Variants in TMEM63C observed in about 807,000 individuals in gnomAD.
The protein encoded by TMEM63C is transmembrane protein 63C, also known as osmosensitive cation channel TMEM63C.
Under a neutral mutation model 99.2 loss-of-function variants are expected in TMEM63C, and 32 were observed. That is an observed-to-expected ratio of 0.32 (90% CI 0.24 to 0.43). The LOEUF (loss-of-function observed/expected upper bound fraction) is 0.43, where lower values mean the gene tolerates loss of function less well. TMEM63C is among the 20% of genes least tolerant of loss of function. The probability of loss-of-function intolerance (pLI) is 1.00; values close to 1 mark genes in which losing one functional copy is unlikely to be tolerated. For missense variants in TMEM63C, 826 were observed against 1,053.0 expected (o/e 0.78, Z 2.98); for synonymous variants, 376 against 397.9 (o/e 0.94, Z 0.66).
Position 77,219,245 on chromosome 14 carries a change from G to T in TMEM63C, c.151-253G>T, listed in dbSNP as rs531287606. On this transcript the variant is annotated intron_variant, in intron 3 of 23. Coordinates refer to ENST00000298351, the MANE Select transcript of TMEM63C (RefSeq NM_020431.4). ...GCTGAGGTCTTCAAGGCACATTCTG[G>T]TCCCATAGATCTGAACATGCCTCCA... 1.2e-4 allele frequency among the ~76,000 whole-genome samples: 18 copies of T among 152,274 alleles called. 1 individual carries two copies. The South Asian group carries it at 3.7e-3, about 32-fold the overall frequency.
At chr14:77,239,559 G>T (rs1594866265) in intron 11 of TMEM63C, 44 bp from the exon 12 acceptor site, 6 of 1,612,400 alleles carry the variant, frequency 3.7e-6, no homozygotes, top group Non-Finnish European at 5.1e-6. Flanking sequence ...GGCTCTGCTG[G>T]CCCCTGACCT....
chr14:77,238,871 C>A, intron 10 of TMEM63C, 104 bp downstream of exon 10: 2 of 912,802 alleles, frequency 2.2e-6, no homozygotes, highest in Non-Finnish European at 3.5e-6. Context: ...GGGACTGGGA[C>A]ACCCCGGGGT....
intron 1 of TMEM63C, among the ~76,000 whole-genome samples, chr14:77,187,179 G>A (rs1888017438): frequency 6.6e-6 from 1 of 151,914 alleles, no homozygotes. Context: ...CCCAAACTGG[G>A]GCCATGGCCA....
chr14:77,207,759 A>G (rs535606237), intron 1 of TMEM63C, among the ~76,000 whole-genome samples: 1 of 152,354 alleles, frequency 6.6e-6, no homozygotes, highest in East Asian at 1.9e-4. Context: ...CTGGCCCATC[A>G]CAAATGCCCA....
At position 77,246,815 on chromosome 14, in the gene TMEM63C, G is replaced by A. The variant is rs957073822; in HGVS notation, c.1601+141G>A. On this transcript the variant is annotated intron_variant, in intron 18 of 23. Transcript: ENST00000298351. ...GTGAACACCCTCACTGGGCAGACTT[G>A]TTACCTTTCCTGTGCTGGGATCCCT... The A allele has an allele frequency of 8.7e-5, 55 of 634,444 alleles. 1 individual carries two copies. The highest frequency in any genetic ancestry group is 9.9e-5 in the Non-Finnish European group (37 of 374,112). 39.3% of individuals were successfully genotyped at this position (634,444 alleles called of 1,614,324 possible).
At chr14:77,190,316 T>C (rs960839547) in intron 1 of TMEM63C, among the ~76,000 whole-genome samples, 2 of 152,142 alleles carry the variant, frequency 1.3e-5, no homozygotes, top group Non-Finnish European at 2.9e-5. Context: ...AAGGTTCAGA[T>C]CACTTCTAGT....
chr14:77,248,242 T>C (rs1051964722), intron 18 of TMEM63C, 105 bp from the exon 19 acceptor site: 8 of 993,938 alleles, frequency 8.0e-6, no homozygotes, highest in Non-Finnish European at 1.2e-5. Context: ...GTATCTCCAC[T>C]CCGATTCCCA....
intron 6 of TMEM63C, among the ~76,000 whole-genome samples, chr14:77,228,076 G>A (rs760661916): frequency 7.2e-5 from 11 of 152,112 alleles, no homozygotes; most frequent in Non-Finnish European, 1.6e-4. Context: ...GCAGAACAAT[G>A]GATCCAGCAC....
intron 5 of TMEM63C, among the ~76,000 whole-genome samples, chr14:77,222,570 TG>T (rs1437448042): frequency 3.9e-5 from 6 of 152,214 alleles, no homozygotes; most frequent in African/African-American, 1.4e-4. Context: ...TGCTGTGCCG[TG>T]GCCTGGTAGT....
At chr14:77,238,932 G>A (rs1287023092) in intron 10 of TMEM63C, among the ~76,000 whole-genome samples, 165 bp downstream of exon 10, 3 of 152,164 alleles carry the variant, frequency 2.0e-5, no homozygotes, top group East Asian at 1.9e-4. Context: ...GGGGAGGGCC[G>A]CTGGAGCTGG....
At chr14:77,254,517 C>CTT (rs749496634) in intron 23 of TMEM63C, among the ~76,000 whole-genome samples, 5 of 152,190 alleles carry the variant, frequency 3.3e-5, no homozygotes, top group Non-Finnish European at 7.3e-5. Flanking sequence ...AAGGACCCCT[C>CTT]TTGGAATATT....
Position 77,243,734 on chromosome 14 carries a change from T to C in TMEM63C, c.1342-615T>C, listed in dbSNP as rs1345995577. On this transcript the variant is annotated intron_variant, in intron 15 of 23. Transcript: ENST00000298351. ...GGTCTCTTCTTCCATATTCTCGCCA[T>C]CCTCATTTCCAACAACACACATGTG... 3.9e-5 allele frequency among the ~76,000 whole-genome samples: 6 copies of C among 152,146 alleles called. No homozygotes were observed. In the East Asian group the frequency reaches 5.8e-4, roughly 15 times the overall value.
chr14:77,233,508 C>A lies in TMEM63C; in HGVS notation c.542+8C>A. The A allele has an allele frequency of 6.2e-7, 1 of 1,613,230 alleles. No individual in the cohort carries two copies. On this transcript the variant is annotated splice_region_variant and intron_variant, in intron 8 of 23. Transcript: ENST00000298351. ...TGTCAATGTCTCCACAGAGTAGGTA[C>A]CTGATCTTAACCTCCCATTCCATTG...
At chr14:77,215,950 C>T (rs1308892406) in intron 2 of TMEM63C, among the ~76,000 whole-genome samples, 2 of 152,230 alleles carry the variant, frequency 1.3e-5, no homozygotes, top group Non-Finnish European at 2.9e-5. Flanking sequence ...TCCAATTCCT[C>T]TCCTGTCATT....
chr14:77,239,815 C>T, intron 12 of TMEM63C, 89 bp downstream of exon 12: 1 of 1,507,916 alleles, frequency 6.6e-7, no homozygotes, highest in Non-Finnish European at 8.9e-7. Context: ...CTGTTGGGCC[C>T]CAGGCCTCAC....
intron 1 of TMEM63C, among the ~76,000 whole-genome samples, chr14:77,184,851 T>C (rs1260142283): frequency 2.0e-5 from 3 of 152,206 alleles, no homozygotes; most frequent in African/African-American, 7.2e-5. Flanking sequence ...GCTCACGAAG[T>C]ATGGTGTGTC....
At chr14:77,249,196 C>A in intron 20 of TMEM63C, 95 bp from the exon 21 acceptor site, 2 of 1,326,128 alleles carry the variant, frequency 1.5e-6, no homozygotes, top group Non-Finnish European at 2.1e-6. Context: ...CTCTGACAGC[C>A]GTGGATCTGG....
In TMEM63C at chr14:77,239,511, CT is replaced by C. The variant is rs1889119180; in HGVS notation, c.806+23del. ...ATCAGAGGTGAGGCTGCAGCGGGGC[CT>C]TTTGGGGCCCGGGGTGGGGGTAAAA... On this transcript the variant is annotated intron_variant, in intron 11 of 23. Transcript: ENST00000298351. 2.5e-6 allele frequency: 4 copies of C among 1,612,920 alleles called. No homozygotes were observed. In the African/African-American group the frequency reaches 4.0e-5, roughly 16 times the overall value.
chr14:77,223,265 C>T (rs1041919090), intron 5 of TMEM63C, among the ~76,000 whole-genome samples: 1 of 151,968 alleles, frequency 6.6e-6, no homozygotes, highest in Admixed American at 6.6e-5. Context: ...GAAGATAAAT[C>T]CTTATGGCAG....
Sources: gnomAD v4.1 joint callset for allele counts (sites outside exome capture counted in the v4.1 genomes callset) on GRCh38, gnomAD v4.1.1 for gene constraint, MANE v1.5 for transcripts, NCBI Gene and HGNC (gene_info 2026-07-23, HGNC 2026-07-21) for gene names.